Variants in TTLL11 observed in about 807,000 individuals in gnomAD.
TTLL11 encodes tubulin tyrosine ligase like 11.
A neutral mutation model predicts 51.7 loss-of-function variants in TTLL11; 42 were observed. The observed-to-expected ratio is 0.81, with a 90% confidence interval of 0.64 to 1.05. The LOEUF is 1.05. Among genes scored for constraint, TTLL11 ranks in the 50% least tolerant of loss-of-function variants. The probability of loss-of-function intolerance (pLI) is 0.00; values close to 1 mark genes in which losing one functional copy is unlikely to be tolerated. For synonymous variants in TTLL11, 381 were observed against 383.5 expected (o/e 0.99, Z 0.08); for missense variants, 799 against 940.4 (o/e 0.85, Z 1.97).
At chr9:121,857,154 G>A (rs1210103356) in intron 8 of TTLL11, among the ~76,000 whole-genome samples, 1 of 152,164 alleles carries the variant, frequency 6.6e-6, no homozygotes, top group Non-Finnish European at 1.5e-5. Context: ...CCAGGAGTGA[G>A]GAAAACTCAG....
chr9:121,866,399 C>T (rs544115746), intron 7 of TTLL11, among the ~76,000 whole-genome samples: 2 of 152,226 alleles, frequency 1.3e-5, no homozygotes, highest in Admixed American at 1.3e-4. Flanking sequence ...GTGGTTCATG[C>T]CTGTAATCCC....
At chr9:121,843,860 A>G (rs1361538154) in intron 8 of TTLL11, among the ~76,000 whole-genome samples, 1 of 151,946 alleles carries the variant, frequency 6.6e-6, no homozygotes, top group East Asian at 1.9e-4. Flanking sequence ...TTTTGTAGAG[A>G]CAGGTGTCTC....
intron 6 of TTLL11, among the ~76,000 whole-genome samples, chr9:121,904,146 GGGACA>G (rs1419850477): frequency 8.5e-5 from 13 of 152,168 alleles, no homozygotes; most frequent in African/African-American, 2.9e-4. Context: ...GATCATCCAA[GGGACA>G]TCTGCAACTG....
intron 7 of TTLL11, among the ~76,000 whole-genome samples, chr9:121,862,587 G>C (rs1348351770): frequency 6.6e-6 from 1 of 152,192 alleles, no homozygotes; most frequent in Admixed American, 6.5e-5. Flanking sequence ...TGGAATATCT[G>C]TGTACAGGGC....
chr9:121,930,120 A>T (rs1013592812), intron 6 of TTLL11, among the ~76,000 whole-genome samples: 2 of 152,212 alleles, frequency 1.3e-5, no homozygotes, highest in African/African-American at 4.8e-5. Flanking sequence ...GACCCAATCA[A>T]CTTCCACCAT....
At chr9:121,946,718 CT>C (rs1395563666) in intron 6 of TTLL11, among the ~76,000 whole-genome samples, 1 of 152,186 alleles carries the variant, frequency 6.6e-6, no homozygotes, top group African/African-American at 2.4e-5. Context: ...ATTTGAATCA[CT>C]GGTGTTTCAA....
intron 8 of TTLL11, among the ~76,000 whole-genome samples, chr9:121,844,479 A>G (rs1837455793): frequency 6.6e-6 from 1 of 152,218 alleles, no homozygotes; most frequent in African/African-American, 2.4e-5. Context: ...AAACATTACA[A>G]GACCTGCTAA....
At chr9:121,974,789 A>G in intron 5 of TTLL11, 95 bp downstream of exon 5, 1 of 1,005,558 alleles carries the variant, frequency 9.9e-7, no homozygotes, top group Non-Finnish European at 1.5e-6. Flanking sequence ...TGAAAATCTG[A>G]GAATGTCCAA....
intron 4 of TTLL11, among the ~76,000 whole-genome samples, chr9:121,984,765 G>A (rs546999825): frequency 1.3e-5 from 2 of 152,338 alleles, no homozygotes; most frequent in African/African-American, 4.8e-5. Context: ...GGAGCTAGAA[G>A]AAGATACAGA....
chr9:121,979,751 C>T (rs1379122350), intron 4 of TTLL11, among the ~76,000 whole-genome samples: 3 of 152,052 alleles, frequency 2.0e-5, no homozygotes, highest in Non-Finnish European at 4.4e-5. Context: ...AATCCTTTGC[C>T]CAAAATCCGT....
chr9:122,015,807 C>CAAAAAAAAAAAAAAAAAAAA (rs11297849), intron 3 of TTLL11, among the ~76,000 whole-genome samples: 3 of 94,490 alleles, frequency 3.2e-5, no homozygotes, highest in Admixed American at 1.2e-4. Flanking sequence ...TCAAAAGAGA[C>CAAAAAAAAAAAAAAAAAAAA]AAAAAAAAAA....
At chr9:121,882,787 C>T (rs886147784) in intron 6 of TTLL11, among the ~76,000 whole-genome samples, 17 of 152,176 alleles carry the variant, frequency 1.1e-4, no homozygotes, top group Admixed American at 1.0e-3. Context: ...CAGCCCACAG[C>T]CTTCCTGGAT....
intron 6 of TTLL11, among the ~76,000 whole-genome samples, chr9:121,967,084 C>CT (rs1842418215): frequency 6.6e-6 from 1 of 152,092 alleles, no homozygotes. Context: ...GCCAAAGTGA[C>CT]TTTACCACCA....
Position 121,870,660 on chromosome 9 carries a change from C to G in TTLL11, c.1570G>C (p.Glu524Gln). Residue 524 changes from glutamate (E) to glutamine (Q), a missense_variant, in exon 7 of 9, where the codon GAA becomes CAA. Glu to Gln is a conservative substitution (Grantham distance 29, BLOSUM62 2). Around this residue, in one of 3 missense-constraint regions of TTLL11, gnomAD observed 468 missense variants for 612.8 expected, o/e 0.76. Coordinates refer to ENST00000321582, the MANE Select transcript of TTLL11 (RefSeq NM_001139442.2). ...TSAPDCNANP[E>Q]AHLPSICLKQ... ...AGGCAAATGGAAGGCAGGTGGGCTT[C>G]GGGGTTGGCGTTGCAGTCTGGAGCA... is the stretch of plus-strand genomic sequence containing the variant. 1.3e-6 allele frequency: 2 copies of G among 1,551,736 alleles called. No individual in the cohort carries two copies. Among genetic ancestry groups the G allele is most frequent in the Non-Finnish European group, 8.7e-7 (1 of 1,147,002 alleles).
At chr9:122,055,543 CTCCTTTGGCAACACA>C (rs879564407) in intron 1 of TTLL11, among the ~76,000 whole-genome samples, 1 of 152,182 alleles carries the variant, frequency 6.6e-6, no homozygotes, top group African/African-American at 2.4e-5. Context: ...AAATGTTAAT[CTCCTTTGGCAACACA>C]CTCACAGACA....
At position 121,894,277 on chromosome 9, in the gene TTLL11, C is replaced by T. The variant is rs560380351; in HGVS notation, c.1482-23529G>A. 2.6e-5 allele frequency among the ~76,000 whole-genome samples: 4 copies of T among 152,146 alleles called. No homozygotes were observed. In the East Asian group the frequency reaches 5.8e-4, roughly 22 times the overall value. ...AGAAACCTTTCTGGAGAAATAGAAA[C>T]GCTTTTACACTGTTGGTGGGAGTGT... On this transcript the variant is annotated intron_variant, in intron 6 of 8. Transcript: ENST00000321582.
chr9:122,029,487 T>C (rs1341521897), intron 3 of TTLL11, among the ~76,000 whole-genome samples: 2 of 152,136 alleles, frequency 1.3e-5, no homozygotes. Context: ...TGTGTCTTGG[T>C]TTTCTAACAA....
At chr9:122,039,239 A>G (rs751291872) in intron 2 of TTLL11, 33 bp downstream of exon 2, 15 of 1,575,504 alleles carry the variant, frequency 9.5e-6, no homozygotes, top group Non-Finnish European at 1.3e-5. Context: ...GGCCCTAGAA[A>G]CATGTTTAAA....
chr9:121,972,677 C>A (rs1033542649), intron 6 of TTLL11, among the ~76,000 whole-genome samples: 9 of 152,260 alleles, frequency 5.9e-5, no homozygotes, highest in Admixed American at 2.0e-4. Context: ...TGGCACTCAG[C>A]CTTGGCTGCA....
Sources: allele counts gnomAD v4.1 joint callset (sites outside exome capture counted in the v4.1 genomes callset), GRCh38; gene constraint gnomAD v4.1.1; regional missense constraint gnomAD v4.1.1; transcripts MANE v1.5; gene names NCBI Gene and HGNC (gene_info 2026-07-23, HGNC 2026-07-21).